The following TOGARAM1 variants were observed in gnomAD, a reference collection of about 807,000 sequenced individuals.
TOGARAM1 encodes the protein TOG array regulator of axonemal microtubules 1.
TOGARAM1 carries 100 observed loss-of-function variants against 166.6 expected under a neutral mutation model. The observed-to-expected ratio is 0.60, with a 90% confidence interval of 0.51 to 0.71. The LOEUF is 0.71. Ranked by LOEUF, TOGARAM1 falls within the 30% of genes least tolerant of loss-of-function variation. The pLI is 0.00. For missense variants in TOGARAM1, 2,029 were observed against 2,102.7 expected (o/e 0.96, Z 0.69); for synonymous variants, 758 against 763.8 (o/e 0.99, Z 0.13).
At chr14:44,985,263 C>T (rs539370998) in intron 1 of TOGARAM1, among the ~76,000 whole-genome samples, 67 of 152,292 alleles carry the variant, frequency 4.4e-4, no homozygotes, top group African/African-American at 1.4e-3. Flanking sequence ...CCGCCCGTCT[C>T]GGCCTCCCAA....
chr14:45,040,063 A>T (rs1881647523), intron 11 of TOGARAM1, among the ~76,000 whole-genome samples: 1 of 152,258 alleles, frequency 6.6e-6, no homozygotes, highest in South Asian at 2.1e-4. Context: ...GAAAGACCTT[A>T]TTCTAGGCTA....
chr14:45,014,897 T>C (rs964594674), intron 7 of TOGARAM1, among the ~76,000 whole-genome samples: 4 of 152,224 alleles, frequency 2.6e-5, no homozygotes, highest in Non-Finnish European at 1.5e-5. Context: ...TCTTGAAACT[T>C]TTCTCTGTGA....
At position 45,043,801 on chromosome 14, in the gene TOGARAM1, T is replaced by C. The variant is rs202071839; in HGVS notation, c.3918+10T>C. On this transcript the variant is annotated intron_variant, in intron 12 of 19. Coordinates refer to ENST00000361462, the MANE Select transcript of TOGARAM1 (RefSeq NM_001308120.2). ...TGCAGTTGTTCAAGAGGTAAACTTA[T>C]TTTTCAGATGAGTTAAGGATTGTTA... is the stretch of plus-strand genomic sequence containing the variant. 285 of 1,448,372 alleles carry C rather than the reference T, an allele frequency of 2.0e-4. No homozygotes were observed. In the African/African-American group the frequency reaches 3.6e-3, roughly 18 times the overall value. 89.7% of individuals were successfully genotyped at this position (1,448,372 alleles called of 1,614,324 possible).
chr14:44,975,803 T>G (rs1052655426), intron 1 of TOGARAM1, among the ~76,000 whole-genome samples: 3 of 151,512 alleles, frequency 2.0e-5, no homozygotes, highest in African/African-American at 7.3e-5. Context: ...TGAAGTGGGT[T>G]TGAACCATTT....
Position 44,980,507 on chromosome 14 carries a change from C to A in TOGARAM1, c.2047-15239C>A, listed in dbSNP as rs1399176890. Among the ~76,000 whole-genome samples, 5 of 152,262 alleles carry A rather than the reference C, an allele frequency of 3.3e-5. No individual in the cohort carries two copies. In the South Asian group the frequency reaches 8.3e-4, roughly 25 times the overall value. ...ACCAGCCTGGCCAACATAGTGAAACCTTGTCTCTAGTAAAAATACAAAAAT... is the reference window on the plus strand; with the variant it reads ...ACCAGCCTGGCCAACATAGTGAAACATTGTCTCTAGTAAAAATACAAAAAT... On this transcript the variant is annotated intron_variant, in intron 1 of 19. Transcript: ENST00000361462.
At chr14:44,971,943 AC>A (rs1486079936) in intron 1 of TOGARAM1, among the ~76,000 whole-genome samples, 1 of 152,142 alleles carries the variant, frequency 6.6e-6, no homozygotes, top group East Asian at 1.9e-4. Context: ...GGCTGGGTAG[AC>A]CTCGGAAATT....
rs1034226751 is a variant in TOGARAM1, at chr14:45,056,950, A to G, written c.4559+2401A>G. ...ATTGGTATAAGTTTTTGTTTTATTT[A>G]TTTATTTATTTATTTGTTTGTTTGT... On this transcript the variant is annotated intron_variant, in intron 16 of 19. Coordinates refer to ENST00000361462, the MANE Select transcript of TOGARAM1 (RefSeq NM_001308120.2). Among the ~76,000 whole-genome samples the G allele has an allele frequency of 1.5e-4, 23 of 151,312 alleles. 1 individual carries two copies. Among genetic ancestry groups the G allele is most frequent in the Admixed American group, 1.5e-3 (22 of 14,842 alleles).
At chr14:44,980,305 A>C (rs1272052227) in intron 1 of TOGARAM1, among the ~76,000 whole-genome samples, 1 of 152,224 alleles carries the variant, frequency 6.6e-6, no homozygotes, top group Non-Finnish European at 1.5e-5. Flanking sequence ...GAATATTTCA[A>C]TTACATACTC....
At chr14:45,029,672 T>C (rs542311329) in intron 10 of TOGARAM1, among the ~76,000 whole-genome samples, 2 of 152,250 alleles carry the variant, frequency 1.3e-5, no homozygotes, top group Non-Finnish European at 2.9e-5. Context: ...TTTCATAGAC[T>C]GTGTGAACTG....
Position 45,028,282 on chromosome 14 carries a change from C to G in TOGARAM1, c.3611C>G (p.Ser1204Cys). ...GATTGTGAAAAGAAGGAAAAAAATT[C>G]CTGGGAACGAATGAGACATACAGGA... is the stretch of plus-strand genomic sequence containing the variant. ...NKDCEKKEKNSWERMRHTGTE... is the reference protein window; with the variant it reads ...NKDCEKKEKNCWERMRHTGTE... The change falls in exon 10 of 20, where the codon TCC becomes TGC. Residue 1204 changes from serine to cysteine, a missense_variant. Transcript: ENST00000361462. The G allele has an allele frequency of 6.2e-7, 1 of 1,601,718 alleles. No homozygotes were observed. The highest frequency in any genetic ancestry group is 8.5e-7 in the Non-Finnish European group (1 of 1,176,526).
rs1407367285 is a variant in TOGARAM1 at position 45,012,008 on chromosome 14, T to G, written c.3171T>G (p.Pro1057=). 6.2e-7 allele frequency: 1 copy of G among 1,611,130 alleles called. No individual in the cohort carries two copies. The highest frequency in any genetic ancestry group is 1.1e-5 in the South Asian group (1 of 90,348). The change falls in exon 7 of 20, where the codon CCT becomes CCG. Residue 1057 remains proline, a synonymous_variant. Coordinates refer to ENST00000361462, the MANE Select transcript of TOGARAM1 (RefSeq NM_001308120.2). ...SDIFPTFGSK[P]CPTRLSSAKK... is the part of the protein sequence containing the mutation. ...TATTTCCAACATTTGGGTCAAAACC[T>G]TGTCCAACAAGACTTTCTTCTGCAA...
At chr14:45,020,398 G>A (rs1880427422) in intron 7 of TOGARAM1, among the ~76,000 whole-genome samples, 1 of 152,178 alleles carries the variant, frequency 6.6e-6, no homozygotes. Flanking sequence ...GATCTTGCAA[G>A]GTGACCAGGG....
intron 1 of TOGARAM1, among the ~76,000 whole-genome samples, chr14:44,967,909 TTATCTGG>T (rs1160710514): frequency 6.6e-6 from 1 of 151,586 alleles, no homozygotes; most frequent in Non-Finnish European, 1.5e-5. Flanking sequence ...ATTATAAGCA[TTATCTGG>T]TAGTGATGAT....
At chr14:45,064,339 C>T (rs1253005773) in intron 16 of TOGARAM1, among the ~76,000 whole-genome samples, 1 of 151,626 alleles carries the variant, frequency 6.6e-6, no homozygotes, top group African/African-American at 2.4e-5. Context: ...GCTATGTTGC[C>T]CAGGCTGGTG....
At chr14:44,969,155 T>C (rs1416938616) in intron 1 of TOGARAM1, among the ~76,000 whole-genome samples, 1 of 137,694 alleles carries the variant, frequency 7.3e-6, no homozygotes, top group African/African-American at 3.3e-5. Context: ...CCTTTCTTTC[T>C]TTCTTTTCTT....
rs527737522 is a variant in TOGARAM1 at position 44,973,612 on chromosome 14, A to G, written c.2046+9145A>G. The stretch of plus-strand genomic sequence containing the variant: ...TCTCTCTCTCTATATATACATATAT[A>G]TATATCTCTCTCCAGGTTTTTGACC... On this transcript the variant is annotated intron_variant, in intron 1 of 19. Coordinates refer to ENST00000361462, the MANE Select transcript of TOGARAM1 (RefSeq NM_001308120.2). Among the ~76,000 whole-genome samples the G allele has an allele frequency of 1.4e-4, 21 of 151,624 alleles. No homozygotes were observed. The East Asian group carries it at 3.3e-3, about 24-fold the overall frequency.
chr14:45,015,307 AAAATAAATAAATAAATAAAT>A (rs34431693), intron 7 of TOGARAM1, among the ~76,000 whole-genome samples: 75 of 146,788 alleles, frequency 5.1e-4, no homozygotes, highest in African/African-American at 1.6e-3. Flanking sequence ...CCTATCTCAA[AAAATAAATAAATAAATAAAT>A]AAATAAATAA....
intron 11 of TOGARAM1, among the ~76,000 whole-genome samples, chr14:45,037,266 A>G (rs1398866580): frequency 6.6e-6 from 1 of 152,224 alleles, no homozygotes; most frequent in Non-Finnish European, 1.5e-5. Context: ...GCTGCTGGTT[A>G]TCTCTTTTAA....
At chr14:45,070,463 C>G (rs1192076202) in intron 18 of TOGARAM1, among the ~76,000 whole-genome samples, 1 of 152,142 alleles carries the variant, frequency 6.6e-6, no homozygotes, top group Non-Finnish European at 1.5e-5. Flanking sequence ...CCATTTCAGA[C>G]AGATGACTAA....
Sources: gnomAD v4.1 joint callset for allele counts (sites outside exome capture counted in the v4.1 genomes callset) on GRCh38, gnomAD v4.1.1 for gene constraint, MANE v1.5 for transcripts, NCBI Gene and HGNC (gene_info 2026-07-23, HGNC 2026-07-21) for gene names.